Variants in WDR7 observed in about 807,000 individuals in gnomAD.
WDR7 encodes the protein WD repeat domain 7.
In WDR7, 46 loss-of-function variants were observed where a neutral mutation model predicts 169.4. That is an observed-to-expected ratio of 0.27 (90% CI 0.21 to 0.35). The LOEUF is 0.35. Among genes scored for constraint, WDR7 ranks in the 10% least tolerant of loss-of-function variants. The probability of loss-of-function intolerance (pLI) is 1.00; values close to 1 mark genes in which losing one functional copy is unlikely to be tolerated. For synonymous variants in WDR7, 612 were observed against 666.8 expected, an observed-to-expected ratio of 0.92 and a Z score of 1.27; for missense variants, 1,534 against 1,859.3, an observed-to-expected ratio of 0.83 and a Z score of 3.22.
intron 19 of WDR7, among the ~76,000 whole-genome samples, chr18:56,813,457 AGG>A (rs2044910363): frequency 6.8e-6 from 1 of 147,380 alleles, no homozygotes; most frequent in Admixed American, 6.6e-5. Context: ...ATTTTCTTAG[AGG>A]TTTTTTTTTT....
chr18:56,891,812 A>T (rs748638882), intron 21 of WDR7, among the ~76,000 whole-genome samples: 5 of 152,064 alleles, frequency 3.3e-5, no homozygotes, highest in Admixed American at 2.0e-4. Context: ...TGGCCACATT[A>T]TCATACACAT....
chr18:56,694,319 GC>G (rs1379977076), intron 9 of WDR7, among the ~76,000 whole-genome samples: 1 of 104,658 alleles, frequency 9.6e-6, no homozygotes, highest in Non-Finnish European at 2.6e-5. Flanking sequence ...CATTATTGTG[GC>G]TACACATGAG....
In WDR7 at chr18:56,842,995, A is replaced by C. The variant is rs17090378; in HGVS notation, c.3304+26851A>C. On this transcript the variant is annotated intron_variant, in intron 20 of 27. Coordinates refer to ENST00000254442, the MANE Select transcript of WDR7 (RefSeq NM_015285.3). ...TTTTGGCATTTGATGTTGTTGCTGTAAGACTATTAATTTTAAACTAGTGCT... is the reference window on the plus strand; with the variant it reads ...TTTTGGCATTTGATGTTGTTGCTGTCAGACTATTAATTTTAAACTAGTGCT... Among the ~76,000 whole-genome samples the C allele has an allele frequency of 9.5e-3, 1,445 of 152,232 alleles. 23 individuals carry two copies. Among genetic ancestry groups the C allele is most frequent in the African/African-American group, 0.033 (1,362 of 41,526 alleles).
intron 19 of WDR7, among the ~76,000 whole-genome samples, chr18:56,814,641 G>A (rs1295459081): frequency 2.6e-5 from 4 of 152,092 alleles, no homozygotes; most frequent in Non-Finnish European, 5.9e-5. Context: ...GTACTTGAGG[G>A]TGGAGAGTGG....
chr18:56,834,307 T>C (rs375025162), intron 20 of WDR7, among the ~76,000 whole-genome samples: 2 of 152,156 alleles, frequency 1.3e-5, no homozygotes. Context: ...CGTCCACTGG[T>C]TAGTAGTAAG....
chr18:56,956,623 A>C (rs747824494), intron 25 of WDR7, among the ~76,000 whole-genome samples: 1 of 152,016 alleles, frequency 6.6e-6, no homozygotes, highest in Non-Finnish European at 1.5e-5. Context: ...ACATTGCTCC[A>C]CTGTAGAAGT....
At position 56,964,803 on chromosome 18, in the gene WDR7, A is replaced by T. The variant is rs998114256; in HGVS notation, c.4164+2274A>T. 6.6e-5 allele frequency among the ~76,000 whole-genome samples: 10 copies of T among 152,304 alleles called. No homozygotes were observed. In the East Asian group the frequency reaches 1.9e-3, roughly 29 times the overall value. On this transcript the variant is annotated intron_variant, in intron 26 of 27. Coordinates refer to ENST00000254442, the MANE Select transcript of WDR7 (RefSeq NM_015285.3). Reference sequence around the variant, plus strand: ...CCTTTACCTTCCACTTCTGTATGAAAGGGAAGGCTGCACCTTCCTCTCATC... The same window carrying T: ...CCTTTACCTTCCACTTCTGTATGAATGGGAAGGCTGCACCTTCCTCTCATC...
intron 21 of WDR7, among the ~76,000 whole-genome samples, chr18:56,906,734 A>G (rs4369754): frequency 2.0e-3 from 297 of 151,918 alleles, no homozygotes; most frequent in African/African-American, 6.8e-3. Flanking sequence ...TAGAGACAGG[A>G]TTTCACCATG....
intron 14 of WDR7, among the ~76,000 whole-genome samples, chr18:56,737,242 T>C (rs1283479435): frequency 6.6e-6 from 1 of 152,232 alleles, no homozygotes; most frequent in Non-Finnish European, 1.5e-5. Context: ...CATACATGCA[T>C]ATATTTAGAA....
intron 14 of WDR7, among the ~76,000 whole-genome samples, chr18:56,735,342 T>G (rs2144824529): frequency 6.6e-6 from 1 of 152,272 alleles, no homozygotes; most frequent in African/African-American, 2.4e-5. Flanking sequence ...AACAAGAATG[T>G]ACAGGCCATG....
chr18:56,769,191 A>G (rs184073737), intron 16 of WDR7, among the ~76,000 whole-genome samples: 2 of 151,020 alleles, frequency 1.3e-5, no homozygotes, highest in Admixed American at 1.3e-4. Context: ...TATAGCTGTA[A>G]GTCTGCTCAT....
In WDR7 at chr18:56,884,164, C is replaced by T. The variant is rs1218263186; in HGVS notation, c.3526+3999C>T. Among the ~76,000 whole-genome samples the T allele has an allele frequency of 2.6e-5, 4 of 152,302 alleles. No homozygotes were observed. In the South Asian group the frequency reaches 6.2e-4, roughly 24 times the overall value. ...AAGCGTTCCCTTTTCATAACATCCACGACAACATCTATTATTTTTTGATCA... is the reference window on the plus strand; with the variant it reads ...AAGCGTTCCCTTTTCATAACATCCATGACAACATCTATTATTTTTTGATCA... On this transcript the variant is annotated intron_variant, in intron 21 of 27. Coordinates refer to ENST00000254442, the MANE Select transcript of WDR7 (RefSeq NM_015285.3).
At chr18:56,853,906 A>G (rs1195181128) in intron 20 of WDR7, among the ~76,000 whole-genome samples, 3 of 152,232 alleles carry the variant, frequency 2.0e-5, no homozygotes, top group Non-Finnish European at 4.4e-5. Context: ...CTTATTAATA[A>G]TAAATAGAAA....
At chr18:56,924,158 G>A (rs2046769821) in intron 22 of WDR7, 50 bp downstream of exon 22, 10 of 1,594,274 alleles carry the variant, frequency 6.3e-6, no homozygotes, top group African/African-American at 4.1e-5. Flanking sequence ...TTTGTTTTAG[G>A]GGTTTTTTTG....
intron 26 of WDR7, among the ~76,000 whole-genome samples, chr18:56,991,907 A>G (rs893793141): frequency 6.6e-6 from 1 of 152,222 alleles, no homozygotes; most frequent in Non-Finnish European, 1.5e-5. Context: ...CAGACTATTC[A>G]TGGCTTTCAA....
In WDR7 at chr18:57,028,664, C is replaced by A. The variant is rs1241460581; in HGVS notation, c.*1457C>A. The A allele has an allele frequency of 6.6e-6, 1 of 152,046 alleles. No homozygotes were observed. The highest frequency in any genetic ancestry group is 1.5e-5 in the Non-Finnish European group (1 of 67,972). 9.4% of individuals were successfully genotyped at this position (152,046 alleles called of 1,614,324 possible). On this transcript the variant is annotated 3_prime_UTR_variant, in exon 28 of 28. Coordinates refer to ENST00000254442, the MANE Select transcript of WDR7 (RefSeq NM_015285.3). Reference sequence around the variant, plus strand: ...AGGTTGTCAGAGTTTATCTGATATACAAAAAAGTAGGATCAAAGTCTAGGA... The same window carrying A: ...AGGTTGTCAGAGTTTATCTGATATAAAAAAAAGTAGGATCAAAGTCTAGGA...
intron 26 of WDR7, among the ~76,000 whole-genome samples, chr18:56,981,047 T>G (rs370134929): frequency 3.3e-5 from 5 of 152,342 alleles, no homozygotes; most frequent in African/African-American, 1.2e-4. Flanking sequence ...GAGACTAGTT[T>G]CAGGCTATTC....
intron 2 of WDR7, among the ~76,000 whole-genome samples, chr18:56,677,094 C>T (rs2025260934): frequency 6.6e-6 from 1 of 152,102 alleles, no homozygotes. Context: ...TGAGTTTGTA[C>T]CTTCAGATGC....
intron 12 of WDR7, among the ~76,000 whole-genome samples, chr18:56,709,910 T>C (rs2026044964): frequency 6.6e-6 from 1 of 151,906 alleles, no homozygotes; most frequent in Non-Finnish European, 1.5e-5. Context: ...ATACCCACTG[T>C]TAACATTTTT....
Sources: gnomAD v4.1 joint callset for allele counts (sites outside exome capture counted in the v4.1 genomes callset) on GRCh38, gnomAD v4.1.1 for gene constraint, MANE v1.5 for transcripts, NCBI Gene and HGNC (gene_info 2026-07-23, HGNC 2026-07-21) for gene names.